The following MCU variants were observed in gnomAD, a reference collection of about 807,000 sequenced individuals.
MCU encodes the protein calcium uniporter protein, mitochondrial.
A neutral mutation model predicts 45.2 loss-of-function variants in MCU; 12 were observed. That is an observed-to-expected ratio of 0.27 (90% CI 0.17 to 0.43). MCU has a LOEUF of 0.43. MCU is among the 20% of genes least tolerant of loss of function. MCU has a pLI of 1.00. For missense variants in MCU, 324 were observed against 436.7 expected (o/e 0.74, Z 2.30); for synonymous variants, 160 against 165.1 (o/e 0.97, Z 0.24).
At chr10:72,714,343 G>GTTTTTTTTT (rs1479850646) in intron 1 of MCU, among the ~76,000 whole-genome samples, 4 of 49,484 alleles carry the variant, frequency 8.1e-5, no homozygotes, top group African/African-American at 3.0e-4. Context: ...CCCCGCCCTG[G>GTTTTTTTTT]TCTTTTTTTT....
intron 1 of MCU, among the ~76,000 whole-genome samples, chr10:72,750,383 GATA>G (rs1162912893): frequency 6.6e-6 from 1 of 152,190 alleles, no homozygotes; most frequent in African/African-American, 2.4e-5. Flanking sequence ...TCTAGATTAA[GATA>G]ATAAAATAGG....
Position 72,856,267 on chromosome 10 carries a change from G to T in MCU, c.221-2910G>T, listed in dbSNP as rs925273878. 1.1e-4 allele frequency among the ~76,000 whole-genome samples: 17 copies of T among 152,298 alleles called. No homozygotes were observed. The South Asian group carries it at 2.1e-3, about 19-fold the overall frequency. On this transcript the variant is annotated intron_variant, in intron 2 of 7. Coordinates refer to ENST00000373053, the MANE Select transcript of MCU (RefSeq NM_138357.3). ...GGGATTAACTGGGATGGGGATCAGA[G>T]AATTTGGGGGAATCATAGAAATGTT...
At chr10:72,787,124 C>G (rs981912176) in intron 1 of MCU, among the ~76,000 whole-genome samples, 5 of 152,160 alleles carry the variant, frequency 3.3e-5, no homozygotes, top group African/African-American at 1.2e-4. Flanking sequence ...AAAGACAAAT[C>G]TGCTGCATCT....
intron 1 of MCU, among the ~76,000 whole-genome samples, chr10:72,824,201 T>C (rs1844757911): frequency 1.3e-5 from 2 of 150,714 alleles, no homozygotes; most frequent in African/African-American, 4.9e-5. Flanking sequence ...TTCTTTCTTT[T>C]TTTTTTTTTT....
intron 1 of MCU, among the ~76,000 whole-genome samples, chr10:72,798,445 C>T (rs1844285825): frequency 6.6e-6 from 1 of 152,088 alleles, no homozygotes; most frequent in Admixed American, 6.5e-5. Context: ...GTGCATGTCA[C>T]CATGCCCGGC....
chr10:72,776,162 C>T (rs1843890018), intron 1 of MCU, among the ~76,000 whole-genome samples: 1 of 151,236 alleles, frequency 6.6e-6, no homozygotes, highest in Non-Finnish European at 1.5e-5. Context: ...GAGTGAGACC[C>T]TATCTCTTAA....
chr10:72,735,917 G>C (rs1172788323), intron 1 of MCU, among the ~76,000 whole-genome samples: 1 of 152,174 alleles, frequency 6.6e-6, no homozygotes, highest in Non-Finnish European at 1.5e-5. Context: ...GTCTCTAGGG[G>C]ATGGGATAGG....
chr10:72,696,774 A>G (rs1192977739), intron 1 of MCU, among the ~76,000 whole-genome samples: 1 of 152,072 alleles, frequency 6.6e-6, no homozygotes, highest in Non-Finnish European at 1.5e-5. Flanking sequence ...TAGGGAAAAG[A>G]TATGCCCTTT....
chr10:72,795,784 G>A (rs1844233753), intron 1 of MCU, among the ~76,000 whole-genome samples: 1 of 152,158 alleles, frequency 6.6e-6, no homozygotes, highest in Admixed American at 6.5e-5. Context: ...TGGATCACGA[G>A]TTCAAGAGTT....
chr10:72,857,530 G>A (rs929019725), intron 2 of MCU, among the ~76,000 whole-genome samples: 3 of 152,012 alleles, frequency 2.0e-5, no homozygotes, highest in African/African-American at 7.3e-5. Flanking sequence ...GAGCCACCAT[G>A]CCTGGCCAAA....
chr10:72,822,107 G>A (rs1844720953), intron 1 of MCU, among the ~76,000 whole-genome samples: 1 of 151,944 alleles, frequency 6.6e-6, no homozygotes, highest in Non-Finnish European at 1.5e-5. Flanking sequence ...GAAACCCCAT[G>A]TCTACTAAAA....
intron 1 of MCU, among the ~76,000 whole-genome samples, chr10:72,756,175 C>G (rs1470751357): frequency 6.6e-6 from 1 of 151,972 alleles, no homozygotes; most frequent in East Asian, 1.9e-4. Context: ...TTATTAGATA[C>G]AGGGTTTTGC....
chr10:72,817,036 A>G (rs1844638516), intron 1 of MCU, among the ~76,000 whole-genome samples: 2 of 152,230 alleles, frequency 1.3e-5, no homozygotes, highest in South Asian at 4.1e-4. Flanking sequence ...CTGACACCTT[A>G]AAATTCATGT....
chr10:72,804,683 T>G (rs1021996394), intron 1 of MCU, among the ~76,000 whole-genome samples: 1 of 152,240 alleles, frequency 6.6e-6, no homozygotes, highest in Non-Finnish European at 1.5e-5. Context: ...ATTGTAGTAT[T>G]AATGCACACA....
chr10:72,741,381 G>A (rs957548764), intron 1 of MCU, among the ~76,000 whole-genome samples: 4 of 152,162 alleles, frequency 2.6e-5, no homozygotes, highest in South Asian at 2.1e-4. Flanking sequence ...GATTAAAGGC[G>A]TGAGCCACCG....
intron 4 of MCU, among the ~76,000 whole-genome samples, chr10:72,868,089 C>T (rs1845485367): frequency 6.6e-6 from 1 of 152,000 alleles, no homozygotes; most frequent in South Asian, 2.1e-4. Flanking sequence ...TTGTCTTTAT[C>T]TAATGAAGAT....
At chr10:72,836,978 G>C (rs1844964341) in intron 2 of MCU, among the ~76,000 whole-genome samples, 1 of 152,060 alleles carries the variant, frequency 6.6e-6, no homozygotes, top group Non-Finnish European at 1.5e-5. Flanking sequence ...ATGAGGGCTT[G>C]ACCCTCAGTT....
At chr10:72,744,025 G>A (rs1347802037) in intron 1 of MCU, among the ~76,000 whole-genome samples, 3 of 150,590 alleles carry the variant, frequency 2.0e-5, no homozygotes, top group Admixed American at 1.3e-4. Context: ...ATATATATAT[G>A]TATGTGTATT....
rs574165152 is a variant in MCU at position 72,795,612 on chromosome 10, G to A, written c.151-38747G>A. 7.9e-5 allele frequency among the ~76,000 whole-genome samples: 12 copies of A among 152,214 alleles called. 1 individual carries two copies. In the South Asian group the frequency reaches 2.3e-3, roughly 29 times the overall value. ...AATGGAGTGTGGGTACAGTTTGATC[G>A]TGGCTCCTGATGACTGAAAATGTTG... On this transcript the variant is annotated intron_variant, in intron 1 of 7. Transcript: ENST00000373053.
Sources: allele counts gnomAD v4.1 joint callset (sites outside exome capture counted in the v4.1 genomes callset), GRCh38; gene constraint gnomAD v4.1.1; transcripts MANE v1.5; gene names NCBI Gene and HGNC (gene_info 2026-07-23, HGNC 2026-07-21).